Variants in CDH4 observed in about 807,000 individuals in gnomAD.
CDH4 encodes cadherin 4.
CDH4 carries 33 observed loss-of-function variants against 86.0 expected under a neutral mutation model. The observed-to-expected ratio is 0.38, with a 90% CI of 0.29 to 0.51. The LOEUF (loss-of-function observed/expected upper bound fraction) is 0.51. Ranked by LOEUF, CDH4 falls within the 20% of genes least tolerant of loss-of-function variation. The pLI, the probability that CDH4 is intolerant of heterozygous loss-of-function variation, is 0.86. For synonymous variants in CDH4, 555 were observed against 549.4 expected (o/e 1.01, Z -0.14); for missense variants, 1,114 against 1,307.4 (o/e 0.85, Z 2.28).
intron 2 of CDH4, among the ~76,000 whole-genome samples, chr20:61,659,659 T>A (rs1298142357): frequency 8.4e-6 from 1 of 119,684 alleles, no homozygotes; most frequent in Non-Finnish European, 1.7e-5. Context: ...AGGAGGAGGG[T>A]AGGCCTCAGC....
At chr20:61,565,237 TGGTGG>T (rs2086272093) in intron 2 of CDH4, among the ~76,000 whole-genome samples, 2 of 65,834 alleles carry the variant, frequency 3.0e-5, no homozygotes, top group Non-Finnish European at 6.4e-5. Flanking sequence ...GTGGTGGTGG[TGGTGG>T]CGGTGCTCTT....
chr20:61,411,287 C>G (rs1343223932), intron 2 of CDH4, among the ~76,000 whole-genome samples: 1 of 149,670 alleles, frequency 6.7e-6, no homozygotes, highest in Non-Finnish European at 1.5e-5. Flanking sequence ...TGTGTAGTTT[C>G]CTGACAAGGC....
intron 2 of CDH4, among the ~76,000 whole-genome samples, chr20:61,426,720 C>T (rs1352970862): frequency 2.6e-5 from 4 of 152,162 alleles, no homozygotes; most frequent in African/African-American, 9.7e-5. Context: ...TTGACACCAG[C>T]GAAGGTGGAG....
chr20:61,560,744 G>T (rs751797001), intron 2 of CDH4, among the ~76,000 whole-genome samples: 2 of 152,224 alleles, frequency 1.3e-5, no homozygotes, highest in African/African-American at 4.8e-5. Flanking sequence ...TGACCACCTC[G>T]CCATGAAGGC....
chr20:61,397,002 C>T lies in CDH4; in HGVS notation c.169+142065C>T, dbSNP rs542186902. 5.3e-5 allele frequency among the ~76,000 whole-genome samples: 8 copies of T among 152,278 alleles called. No homozygotes were observed. In the East Asian group the frequency reaches 1.5e-3, roughly 29 times the overall value. On this transcript the variant is annotated intron_variant, in intron 2 of 15. Transcript: ENST00000614565. Reference sequence around the variant, plus strand: ...AACAGCTCACTGCAGCTTCGACTTCCCAGGCCCAAGCAATTCTCCCACCTC... The same window carrying T: ...AACAGCTCACTGCAGCTTCGACTTCTCAGGCCCAAGCAATTCTCCCACCTC...
chr20:61,871,876 G>T (rs989108775), intron 6 of CDH4, among the ~76,000 whole-genome samples: 4 of 152,250 alleles, frequency 2.6e-5, no homozygotes, highest in Non-Finnish European at 5.9e-5. Context: ...AAACGTGTCT[G>T]CTTTGAGAAT....
At chr20:61,736,595 G>C (rs1643717704) in intron 2 of CDH4, among the ~76,000 whole-genome samples, 1 of 152,038 alleles carries the variant, frequency 6.6e-6, no homozygotes, top group Admixed American at 6.5e-5. Context: ...ATGGATGAAG[G>C]GGAGAGGGAG....
intron 8 of CDH4, among the ~76,000 whole-genome samples, 193 bp from the exon 9 acceptor site, chr20:61,910,229 C>G (rs766760153): frequency 6.6e-6 from 1 of 151,322 alleles, no homozygotes; most frequent in Non-Finnish European, 1.5e-5. Context: ...TGGGCCGACA[C>G]GTTGTGTTCT....
chr20:61,471,637 G>T (rs2085504194), intron 2 of CDH4, among the ~76,000 whole-genome samples: 1 of 151,602 alleles, frequency 6.6e-6, no homozygotes, highest in African/African-American at 2.4e-5. Context: ...TGTTGATATA[G>T]GTGCTTATAG....
At chr20:61,871,148 T>G (rs1015047405) in intron 6 of CDH4, among the ~76,000 whole-genome samples, 2 of 152,142 alleles carry the variant, frequency 1.3e-5, no homozygotes, top group Admixed American at 6.5e-5. Context: ...ATTTTCCTTC[T>G]GCCTGAAAAC....
At chr20:61,800,929 C>T (rs1280715660) in intron 4 of CDH4, among the ~76,000 whole-genome samples, 1 of 152,222 alleles carries the variant, frequency 6.6e-6, no homozygotes, top group Middle Eastern at 3.2e-3. Context: ...ATCTGCGCCA[C>T]ACATAGGGTA....
intron 2 of CDH4, among the ~76,000 whole-genome samples, chr20:61,301,695 A>G (rs146623657): frequency 1.4e-4 from 22 of 152,350 alleles, no homozygotes; most frequent in Admixed American, 1.4e-3. Flanking sequence ...TTAAGACTTT[A>G]CACATCAAAA....
chr20:61,893,846 G>T (rs1382678292), intron 7 of CDH4, among the ~76,000 whole-genome samples: 1 of 151,664 alleles, frequency 6.6e-6, no homozygotes, highest in Non-Finnish European at 1.5e-5. Flanking sequence ...TGGGTGGCTG[G>T]GTGGATGGAT....
chr20:61,274,179 T>C (rs2084209298), intron 2 of CDH4, among the ~76,000 whole-genome samples: 1 of 125,700 alleles, frequency 8.0e-6, no homozygotes, highest in South Asian at 2.9e-4. Context: ...GGGAGTACTG[T>C]GTGCAATTTG....
In CDH4 at chr20:61,377,706, C is replaced by T. The variant is rs1306952023; in HGVS notation, c.169+122769C>T. Among the ~76,000 whole-genome samples the T allele has an allele frequency of 6.6e-6, 1 of 152,202 alleles. No homozygotes were observed. Among genetic ancestry groups the T allele is most frequent in the African/African-American group, 2.4e-5 (1 of 41,450 alleles). On this transcript the variant is annotated intron_variant, in intron 2 of 15. Coordinates refer to ENST00000614565, the MANE Select transcript of CDH4 (RefSeq NM_001794.5). The surrounding 1 kb of genome is among the most constrained non-coding windows in gnomAD (Gnocchi z 4.0). ...CAGAAGTCTTAGGCTGTTAATGTGC[C>T]ATAACCACTGGCTCCAAGCAATTCT...
intron 2 of CDH4, among the ~76,000 whole-genome samples, chr20:61,726,172 T>G (rs964349262): frequency 3.3e-5 from 5 of 151,768 alleles, no homozygotes; most frequent in Admixed American, 1.3e-4. Flanking sequence ...CAGCAACAAG[T>G]GTGTCTGGGT....
intron 2 of CDH4, among the ~76,000 whole-genome samples, chr20:61,669,783 A>T (rs1375595297): frequency 1.3e-5 from 2 of 152,172 alleles, no homozygotes; most frequent in East Asian, 3.9e-4. Flanking sequence ...ATAACTTCTG[A>T]CAGCTGTATT....
intron 2 of CDH4, among the ~76,000 whole-genome samples, chr20:61,552,689 G>A (rs374523644): frequency 1.3e-5 from 2 of 152,052 alleles, no homozygotes; most frequent in East Asian, 1.9e-4. Context: ...GACAGAGTGA[G>A]ACTCCATCTC....
intron 7 of CDH4, among the ~76,000 whole-genome samples, chr20:61,884,229 G>T (rs2146170660): frequency 6.6e-6 from 1 of 152,278 alleles, no homozygotes; most frequent in East Asian, 1.9e-4. Context: ...GACACCGGAG[G>T]CCCCAAGGGG....
Sources: gnomAD v4.1 joint callset for allele counts (sites outside exome capture counted in the v4.1 genomes callset) on GRCh38, gnomAD v4.1.1 for gene constraint, Gnocchi (gnomAD v3.1) non-coding constraint, MANE v1.5 for transcripts, NCBI Gene and HGNC (gene_info 2026-07-23, HGNC 2026-07-21) for gene names.